The following TAS2R1 variants were observed in gnomAD, a reference collection of about 807,000 sequenced individuals.
TAS2R1 encodes the protein taste receptor type 2 member 1.
For missense variants in TAS2R1, 370 were observed against 353.4 expected, an observed-to-expected ratio of 1.05 and a Z score of -0.38; for synonymous variants, 141 against 134.2, an observed-to-expected ratio of 1.05 and a Z score of -0.35.
chr5:9,768,944 T>C, the TAS2R1 span, among the ~76,000 whole-genome samples: 2 of 152,224 alleles, frequency 1.3e-5, no homozygotes, highest in Admixed American at 6.5e-5. Context: ...CCTTTGGTTA[T>C]TTCAAAATAT....
At chr5:9,637,131 A>G (rs955519652) in intron 2 of TAS2R1, among the ~76,000 whole-genome samples, 2 of 152,126 alleles carry the variant, frequency 1.3e-5, no homozygotes, top group Non-Finnish European at 2.9e-5. Flanking sequence ...ACTAGTGGCA[A>G]ATTCTCTTAG....
intron 1 of TAS2R1, among the ~76,000 whole-genome samples, chr5:9,679,139 C>T (rs954447168): frequency 6.6e-6 from 1 of 152,016 alleles, no homozygotes; most frequent in Admixed American, 6.6e-5. Flanking sequence ...TCCAAATACA[C>T]GACATTCTAT....
the TAS2R1 span, among the ~76,000 whole-genome samples, chr5:9,780,673 A>ATGTGTGTG: frequency 0.069 from 10,510 of 151,560 alleles, 658 homozygotes; most frequent in East Asian, 0.26. Context: ...AACTAACAGA[A>ATGTGTGTG]TGTGTGTGTG....
chr5:9,682,935 T>C (rs1186416589), intron 1 of TAS2R1, among the ~76,000 whole-genome samples: 3 of 152,192 alleles, frequency 2.0e-5, no homozygotes, highest in Non-Finnish European at 4.4e-5. Context: ...TGAAATGTAA[T>C]GACATCCTTA....
chr5:9,703,031 T>C (rs1277021601), intron 1 of TAS2R1, among the ~76,000 whole-genome samples: 1 of 152,206 alleles, frequency 6.6e-6, no homozygotes, highest in Non-Finnish European at 1.5e-5. Flanking sequence ...CAAAGCTAGA[T>C]TCCAGGAATT....
At chr5:9,719,931 AAAAAAAAC>A in the TAS2R1 span, among the ~76,000 whole-genome samples, 45 of 140,684 alleles carry the variant, frequency 3.2e-4, no homozygotes, top group African/African-American at 1.2e-3. Context: ...AAAAAAAAAA[AAAAAAAAC>A]AAAAACAAAA....
chr5:9,751,134 G>GT, the TAS2R1 span, among the ~76,000 whole-genome samples: 389 of 150,872 alleles, frequency 2.6e-3, no homozygotes, highest in Non-Finnish European at 4.2e-3. Context: ...TAGATCAAAG[G>GT]TTTTTTATCT....
chr5:9,821,109 G>T, the TAS2R1 span, among the ~76,000 whole-genome samples: 3 of 152,196 alleles, frequency 2.0e-5, no homozygotes, highest in East Asian at 5.8e-4. Context: ...AACAACTGTA[G>T]CTGTGCAAGA....
chr5:9,812,465 A>AG, the TAS2R1 span, among the ~76,000 whole-genome samples: 1 of 152,098 alleles, frequency 6.6e-6, no homozygotes, highest in African/African-American at 2.4e-5. Flanking sequence ...TGTGAAGGTA[A>AG]GGGGGGCCAG....
the TAS2R1 span, among the ~76,000 whole-genome samples, chr5:9,873,794 T>C: frequency 6.8e-6 from 1 of 147,044 alleles, no homozygotes; most frequent in East Asian, 2.0e-4. Flanking sequence ...GCTTGAACCC[T>C]GGAGGCGGAG....
At chr5:9,698,710 G>A (rs1201289194) in intron 1 of TAS2R1, among the ~76,000 whole-genome samples, 1 of 152,174 alleles carries the variant, frequency 6.6e-6, no homozygotes, top group Non-Finnish European at 1.5e-5. Flanking sequence ...TATAAAGGCA[G>A]AGTGTCCTGG....
Position 9,629,916 on chromosome 5 carries a change from T to C in TAS2R1, c.117A>G (p.Arg39=), listed in dbSNP as rs775288698. Residue 39 remains arginine (R), a synonymous_variant, in exon 1 of 1, where the codon AGA becomes AGG. Transcript: ENST00000382492. ...GAAGGAGATCCAGCGGAGCCATTTT[T>C]CTGTGCTTGATCAAGTCAATGCCAT... ...VVNGIDLIKH[R]KMAPLDLLLS... 8.6e-5 allele frequency: 139 copies of C among 1,613,960 alleles called. No homozygotes were observed. The highest frequency in any genetic ancestry group is 1.1e-4 in the Non-Finnish European group (135 of 1,180,034).
chr5:9,722,659 C>T, the TAS2R1 span, among the ~76,000 whole-genome samples: 1 of 152,228 alleles, frequency 6.6e-6, no homozygotes, highest in African/African-American at 2.4e-5. Flanking sequence ...ATGTTATCTT[C>T]CTCCTTTCCA....
At chr5:9,840,842 T>C in the TAS2R1 span, among the ~76,000 whole-genome samples, 1 of 12,798 alleles carries the variant, frequency 7.8e-5, no homozygotes, top group South Asian at 4.2e-3. Flanking sequence ...ATTTTATTTA[T>C]TTATTTATTT....
the TAS2R1 span, among the ~76,000 whole-genome samples, chr5:9,787,990 C>A: frequency 2.2e-4 from 34 of 152,270 alleles, no homozygotes; most frequent in Non-Finnish European, 2.9e-4. Flanking sequence ...ACAATCCAGG[C>A]GATTTTGCAA....
At chr5:9,747,700 T>C in the TAS2R1 span, among the ~76,000 whole-genome samples, 1 of 152,050 alleles carries the variant, frequency 6.6e-6, no homozygotes, top group Non-Finnish European at 1.5e-5. Flanking sequence ...GGGACAAATA[T>C]TCCAATTATA....
At chr5:9,780,699 G>T in the TAS2R1 span, among the ~76,000 whole-genome samples, 1 of 152,064 alleles carries the variant, frequency 6.6e-6, no homozygotes, top group Non-Finnish European at 1.5e-5. Context: ...GTGCGCGCGC[G>T]CGCGCATGCA....
chr5:9,689,934 T>A (rs1741205925), intron 1 of TAS2R1, among the ~76,000 whole-genome samples: 2 of 152,242 alleles, frequency 1.3e-5, no homozygotes, highest in South Asian at 4.1e-4. Flanking sequence ...GCATCATTTC[T>A]ATTCTTATTT....
chr5:9,776,400 A>C, the TAS2R1 span, among the ~76,000 whole-genome samples: 120,522 of 152,116 alleles, frequency 0.79, 48,065 homozygotes, highest in East Asian at 0.88. Flanking sequence ...GAAATTAAAA[A>C]GAGGTAGTGT....
Sources: allele counts gnomAD v4.1 joint callset (sites outside exome capture counted in the v4.1 genomes callset), GRCh38; gene constraint gnomAD v4.1.1; transcripts MANE v1.5; gene names NCBI Gene and HGNC (gene_info 2026-07-23, HGNC 2026-07-21).